MUC4: variants seen among roughly 807,000 people sequenced by gnomAD.
MUC4 encodes the protein mucin 4, cell surface associated.
MUC4 carries 202 observed loss-of-function variants against 257.9 expected under a neutral mutation model. The ratio of observed to expected loss-of-function variants is 0.78; its 90% CI spans 0.70 to 0.88. MUC4 has a LOEUF of 0.88. MUC4 is among the 40% of genes least tolerant of loss of function. MUC4 has a pLI of 0.00. For synonymous variants in MUC4, 2,351 were observed against 2,757.1 expected (o/e 0.85, Z 4.62); for missense variants, 5,976 against 6,513.7 (o/e 0.92, Z 2.84).
Position 195,788,078 on chromosome 3 carries a change from G to T in MUC4, c.3502C>A (p.Pro1168Thr), listed in dbSNP as rs768193910. ...GAGGAAAGGCTGGTGACAGGAAGAG[G>T]GGTGGCCTGACCTGTGGATGCTGAG... Reference protein sequence around the residue: ...ASSASTGQATPLPVTSLSSVS... With the variant: ...ASSASTGQATTLPVTSLSSVS... The change falls in exon 2 of 25, where the codon CCT becomes ACT. Residue 1168 changes from proline (P) to threonine (T), a missense_variant. Transcript: ENST00000463781. 6.7e-7 allele frequency: 1 copy of T among 1,482,558 alleles called. No individual in the cohort carries two copies. Among genetic ancestry groups the T allele is most frequent in the East Asian group, 2.7e-5 (1 of 37,654 alleles). The allele number at this position is 1,482,558 out of a possible 1,614,324, so 91.8% of individuals were successfully genotyped here.
chr3:195,747,587 C>T (rs573965379), intron 24 of MUC4, among the ~76,000 whole-genome samples: 63 of 152,284 alleles, frequency 4.1e-4, no homozygotes, highest in African/African-American at 1.4e-3. Context: ...GGGCCTGGGC[C>T]GGCGCGGGGG....
rs544362323 is a variant in MUC4 at position 195,761,560 on chromosome 3, G to A, written c.14538C>T (p.Asp4846=). 5.1e-5 allele frequency: 83 copies of A among 1,614,124 alleles called. No individual in the cohort carries two copies. The highest frequency in any genetic ancestry group is 4.2e-4 in the South Asian group (38 of 91,088). Residue 4846 remains aspartate (D), a synonymous_variant, in exon 15 of 25, where the codon GAC becomes GAT. Transcript: ENST00000463781. Reference sequence around the variant, plus strand: ...TGGAGCCATTGGGCATCCTGAAGTCGTCCTCTGGATTGTTATTCCAGACCC... The same window carrying A: ...TGGAGCCATTGGGCATCCTGAAGTCATCCTCTGGATTGTTATTCCAGACCC... The part of the protein sequence containing the change: ...LLGVWNNNPE[D]DFRMPNGSTI...
rs1217010393 is a variant in MUC4, at chr3:195,811,143, TTATATTTA to T, written c.82+585_82+592del. ...TCCTCTTCTTATTTTTTATTTTATT[TTATATTTA>T]TTTATTTATTTATTTATTTATTTAT... On this transcript the variant is annotated intron_variant, in intron 1 of 24. Coordinates refer to ENST00000463781, the MANE Select transcript of MUC4 (RefSeq NM_018406.7). 2.3e-3 allele frequency among the ~76,000 whole-genome samples: 306 copies of T among 135,788 alleles called. 4 individuals are homozygous for T. The highest frequency in any genetic ancestry group is 4.8e-3 in the African/African-American group (170 of 35,252). 89.1% of individuals were successfully genotyped at this position (135,788 alleles called of 152,430 possible).
Position 195,748,994 on chromosome 3 carries a change from G to C in MUC4, c.15942C>G (p.Pro5314=). 1 of 1,609,820 alleles carries C rather than the reference G, an allele frequency of 6.2e-7. No individual in the cohort carries two copies. The highest frequency in any genetic ancestry group is 8.5e-7 in the Non-Finnish European group (1 of 1,178,004). Residue 5314 remains proline, a synonymous_variant, in exon 24 of 25, where the codon CCC becomes CCG. Transcript: ENST00000463781. The stretch of plus-strand genomic sequence containing the variant: ...GGGACACGCAGGTGAAGCCGCTCTG[G>C]GGGCTGTAGACCAGGTCGTAGCCCT... The part of the protein sequence containing the change: ...GYKGYDLVYS[P]QSGFTCVSPC...
chr3:195,770,403 A>G (rs1336743317), intron 5 of MUC4, 32 bp from the exon 6 acceptor site: 1 of 1,612,410 alleles, frequency 6.2e-7, no homozygotes, highest in South Asian at 1.1e-5. Context: ...AAACAAGCCA[A>G]CGAGGGTCCC....
chr3:195,779,932 G>T lies in MUC4; in HGVS notation c.11648C>A (p.Thr3883Lys). 6.9e-7 allele frequency: 1 copy of T among 1,451,698 alleles called. No homozygotes were observed. Among genetic ancestry groups the T allele is most frequent in the Admixed American group, 2.3e-5 (1 of 43,932 alleles). 89.9% of individuals were successfully genotyped at this position (1,451,698 alleles called of 1,614,324 possible). Residue 3883 changes from threonine to lysine, a missense_variant, in exon 2 of 25, where the codon ACA becomes AAA. Around this residue, in one of 44 missense-constraint regions of MUC4, gnomAD observed 330 missense variants for 262.0 expected, o/e 1.26. Coordinates refer to ENST00000463781, the MANE Select transcript of MUC4 (RefSeq NM_018406.7). ...GACAGGAAGAGGGGTGGTGTCACCT[G>T]TGGAAGCTGAGGAAAGGCCGGTAAC... ...LPVTGLSSAS[T>K]GDTTPLPVTD...
chr3:195,763,782 G>T, intron 11 of MUC4, 141 bp from the exon 12 acceptor site: 2 of 1,046,262 alleles, frequency 1.9e-6, no homozygotes, highest in Non-Finnish European at 2.7e-6. Flanking sequence ...CACTTGTCCG[G>T]GCGGACTCAG....
Position 195,784,606 on chromosome 3 carries a change from CT to C in MUC4, c.6973del (p.Ser2325AlafsTer679), listed in dbSNP as rs1730437801. ...GTCACCTGTGGATGCTGAGGAAAGG[CT>C]GGTGACAGGAAGAGGGGTGGCGTGA... ...TGHATPLPVT[S>X]LSSASTGDTT... is the part of the protein sequence containing the mutation. On this transcript the variant is annotated frameshift_variant, in exon 2 of 25. Coordinates refer to ENST00000463781, the MANE Select transcript of MUC4 (RefSeq NM_018406.7). LOFTEE classifies it high-confidence loss of function. The C allele has an allele frequency of 7.5e-7, 1 of 1,325,988 alleles. No homozygotes were observed. Among genetic ancestry groups the C allele is most frequent in the African/African-American group, 2.4e-5 (1 of 41,782 alleles). 82.1% of individuals were successfully genotyped at this position (1,325,988 alleles called of 1,614,324 possible).
Position 195,785,576 on chromosome 3 carries a change from G to C in MUC4, c.6004C>G (p.Pro2002Ala). The C allele has an allele frequency of 1.3e-6, 2 of 1,527,982 alleles. No individual in the cohort carries two copies. The highest frequency in any genetic ancestry group is 1.8e-6 in the Non-Finnish European group (2 of 1,139,484). The allele number at this position is 1,527,982 out of a possible 1,614,324, so 94.7% of individuals were successfully genotyped here. Residue 2002 changes from proline to alanine, a missense_variant, in exon 2 of 25, where the codon CCG becomes GCG. Physicochemically the swap from Pro to Ala is conservative, Grantham distance 27. This residue lies in a region of MUC4 where 51 missense variants were observed against 45.1 expected (regional missense o/e 1.13). Transcript: ENST00000463781. Reference sequence around the variant, plus strand: ...GATACTGAGGAAGTGTCGGTGACCGGAAGAGGGGTGGCATGACCTGTGGAC... The same window carrying C: ...GATACTGAGGAAGTGTCGGTGACCGCAAGAGGGGTGGCATGACCTGTGGAC... ...SVSTGHATPL[P>A]VTDTSSVSTG...
chr3:195,747,498 G>A (rs1407427773), intron 24 of MUC4, 118 bp from the exon 25 acceptor site: 2 of 1,200,350 alleles, frequency 1.7e-6, no homozygotes, highest in African/African-American at 1.5e-5. Context: ...CCCACTCTCC[G>A]GAGAGACTGA....
rs72499645 is a variant in MUC4, at chr3:195,754,924, G to C, written c.15169-552C>G. Among the ~76,000 whole-genome samples the C allele has an allele frequency of 8.1e-5, 12 of 147,810 alleles. No homozygotes were observed. The South Asian group carries it at 1.1e-3, about 13-fold the overall frequency. On this transcript the variant is annotated intron_variant, in intron 18 of 24. Transcript: ENST00000463781. Reference sequence around the variant, plus strand: ...ATGTATGTGTGTGTCATGCATGTATGCATGTATCCATGTATGTATCCATAT... The same window carrying C: ...ATGTATGTGTGTGTCATGCATGTATCCATGTATCCATGTATGTATCCATAT...
At chr3:195,769,471 C>T (rs967305285) in intron 6 of MUC4, 11 of 328,922 alleles carry the variant, frequency 3.3e-5, no homozygotes, top group Non-Finnish European at 6.3e-5. Flanking sequence ...CTGAGATCAG[C>T]CAAGATACCA....
Position 195,810,943 on chromosome 3 carries a change from T to C in MUC4, c.82+793A>G, listed in dbSNP as rs1345686441. Among the ~76,000 whole-genome samples, 3 of 152,080 alleles carry C rather than the reference T, an allele frequency of 2.0e-5. No homozygotes were observed. The highest frequency in any genetic ancestry group is 2.0e-4 in the Admixed American group (3 of 15,256). ...CTGTTCCTCTTGCTCTGGCTCTGCCTGTCTTTCTCTCTGCGAGTAAGCCTG... is the reference window on the plus strand; with the variant it reads ...CTGTTCCTCTTGCTCTGGCTCTGCCCGTCTTTCTCTCTGCGAGTAAGCCTG... On this transcript the variant is annotated intron_variant, in intron 1 of 24. Transcript: ENST00000463781. The surrounding 1 kb of genome is among the most constrained non-coding windows in gnomAD (Gnocchi z 4.2).
chr3:195,747,251 G>A lies in MUC4; in HGVS notation c.16164C>T (p.Phe5388=), dbSNP rs747432491. The stretch of plus-strand genomic sequence containing the variant: ...AGCAACCCCAGAAGCGCAGGACCAC[G>A]AACGTCCCGACCCCCAGCAGCAAGA... ...GGLLLLGVGT[F]VVLRFWGCSG... is the part of the protein sequence containing the mutation. Residue 5388 remains phenylalanine, a synonymous_variant, in exon 25 of 25, where the codon TTC becomes TTT. Coordinates refer to ENST00000463781, the MANE Select transcript of MUC4 (RefSeq NM_018406.7). The A allele has an allele frequency of 7.4e-6, 12 of 1,614,124 alleles. No individual in the cohort carries two copies. In the South Asian group the frequency reaches 7.7e-5, roughly 10 times the overall value.
chr3:195,780,367 G>T lies in MUC4; in HGVS notation c.11213C>A (p.Ser3738Tyr), dbSNP rs1398759745. The change falls in exon 2 of 25, where the codon TCC (serine) becomes TAC (tyrosine). Residue 3738 changes from serine (S) to tyrosine (Y), a missense_variant. Around this residue, in one of 44 missense-constraint regions of MUC4, gnomAD observed 330 missense variants for 262.0 expected, o/e 1.26. Transcript: ENST00000463781. ...PLHVTSPSSASTGHVTPLPVT... is the reference protein window; with the variant it reads ...PLHVTSPSSAYTGHVTPLPVT... ...AGGAAGAGGGGTGACGTGACCTGTG[G>T]ATGCTGAGGAAGGGCTGGTGACATG... The T allele has an allele frequency of 7.0e-7, 1 of 1,425,670 alleles. No individual in the cohort carries two copies. The highest frequency in any genetic ancestry group is 1.7e-5 in the African/African-American group (1 of 60,486). The allele number at this position is 1,425,670 out of a possible 1,614,324, so 88.3% of individuals were successfully genotyped here.
intron 3 of MUC4, among the ~76,000 whole-genome samples, chr3:195,774,824 C>T (rs1372369408): frequency 5.4e-5 from 8 of 147,554 alleles, no homozygotes; most frequent in African/African-American, 1.0e-4. Context: ...TGCTTGAACC[C>T]GGGAGGCTGA....
rs1300849030 is a variant in MUC4 at position 195,789,707 on chromosome 3, T to G, written c.1873A>C (p.Ser625Arg). Reference protein sequence around the residue: ...STNHSTIHSTSTSPQESPAVS... With the variant: ...STNHSTIHSTRTSPQESPAVS... Reference sequence around the variant, plus strand: ...GCTGGTGATTCCTGAGGAGAGGTGCTTGTGGAATGTATTGTTGAATGATTT... The same window carrying G: ...GCTGGTGATTCCTGAGGAGAGGTGCGTGTGGAATGTATTGTTGAATGATTT... Residue 625 changes from serine to arginine, a missense_variant, in exon 2 of 25, where the codon AGC (serine) becomes CGC (arginine). Physicochemically the swap from Ser to Arg is moderately radical, Grantham distance 110. Coordinates refer to ENST00000463781, the MANE Select transcript of MUC4 (RefSeq NM_018406.7). The G allele has an allele frequency of 6.2e-7, 1 of 1,613,858 alleles. No homozygotes were observed. Among genetic ancestry groups the G allele is most frequent in the Non-Finnish European group, 8.5e-7 (1 of 1,179,884 alleles).
chr3:195,760,270 G>A (rs79924523), intron 16 of MUC4, among the ~76,000 whole-genome samples: 374 of 152,304 alleles, frequency 2.5e-3, no homozygotes, highest in African/African-American at 8.1e-3. Context: ...TAGACAGGGC[G>A]GCCAAGAGAG....
At chr3:195,798,670 C>G (rs953236328) in intron 1 of MUC4, among the ~76,000 whole-genome samples, 7 of 151,958 alleles carry the variant, frequency 4.6e-5, no homozygotes, top group East Asian at 1.9e-4. Context: ...CACCACTGCA[C>G]TCCTGCCTGG....
Sources: gnomAD v4.1 joint callset for allele counts (sites outside exome capture counted in the v4.1 genomes callset) on GRCh38, gnomAD v4.1.1 for gene constraint, gnomAD v4.1.1 regional missense constraint, Gnocchi (gnomAD v3.1) non-coding constraint, MANE v1.5 for transcripts, NCBI Gene and HGNC (gene_info 2026-07-23, HGNC 2026-07-21) for gene names.